Variants in LOXL2 observed in about 807,000 individuals in gnomAD.
LOXL2 encodes lysyl oxidase homolog 2.
A neutral mutation model predicts 93.0 loss-of-function variants in LOXL2; 70 were observed. The ratio of observed to expected loss-of-function variants is 0.75; its 90% CI spans 0.62 to 0.92. The LOEUF is 0.92. LOXL2 is among the 40% of genes least tolerant of loss of function. The pLI, the probability that LOXL2 is intolerant of heterozygous loss-of-function variation, is 0.00. For synonymous variants in LOXL2, 438 were observed against 413.2 expected (o/e 1.06, Z -0.73); for missense variants, 973 against 1,054.9 (o/e 0.92, Z 1.08).
chr8:23,347,168 A>AACACACACACACAC (rs60464587), intron 3 of LOXL2, among the ~76,000 whole-genome samples: 1 of 141,758 alleles, frequency 7.1e-6, no homozygotes, highest in South Asian at 2.3e-4. Context: ...AACACACACA[A>AACACACACACACAC]ACACACACAC....
intron 10 of LOXL2, among the ~76,000 whole-genome samples, chr8:23,307,954 A>G (rs5023055): frequency 0.36 from 1,410 of 3,908 alleles, 143 homozygotes; most frequent in Middle Eastern, 0.5. Context: ...CTGCGATATG[A>G]AAAAAAAAAA....
chr8:23,306,214 T>C (rs561704699), intron 10 of LOXL2, among the ~76,000 whole-genome samples: 26 of 152,206 alleles, frequency 1.7e-4, no homozygotes, highest in African/African-American at 6.3e-4. Flanking sequence ...GAGAAGCAGG[T>C]ATGTTCTTTG....
At position 23,369,429 on chromosome 8, in the gene LOXL2, G is replaced by A. The variant is rs139835332; in HGVS notation, c.-83-995C>T. Among the ~76,000 whole-genome samples the A allele has an allele frequency of 2.0e-5, 3 of 152,306 alleles. No homozygotes were observed. The East Asian group carries it at 5.8e-4, about 29-fold the overall frequency. Reference sequence around the variant, plus strand: ...CCCAAACCAGGATGAGCAGGTGGAAGCTTAGGTGGGGGCATAAGGTATTTT... The same window carrying A: ...CCCAAACCAGGATGAGCAGGTGGAAACTTAGGTGGGGGCATAAGGTATTTT... On this transcript the variant is annotated intron_variant, in intron 1 of 13. Transcript: ENST00000389131.
At chr8:23,344,678 C>CTGTG (rs58673906) in intron 3 of LOXL2, among the ~76,000 whole-genome samples, 62,461 of 151,408 alleles carry the variant, frequency 0.41, 13,978 homozygotes, top group African/African-American at 0.6. Context: ...TGCACTCTCC[C>CTGTG]TGTATGTGTC....
chr8:23,308,053 G>A (rs549403878), intron 10 of LOXL2, among the ~76,000 whole-genome samples: 3 of 151,178 alleles, frequency 2.0e-5, no homozygotes, highest in South Asian at 2.1e-4. Flanking sequence ...GGCCCGAGCC[G>A]GGATTCCTGC....
intron 1 of LOXL2, among the ~76,000 whole-genome samples, chr8:23,392,453 G>A (rs1804859519): frequency 6.6e-6 from 1 of 152,134 alleles, no homozygotes; most frequent in Non-Finnish European, 1.5e-5. Flanking sequence ...GCAGGTCCTC[G>A]CTTTTACTGA....
At chr8:23,307,952 T>TG (rs1554475673) in intron 10 of LOXL2, among the ~76,000 whole-genome samples, 31 of 2,044 alleles carry the variant, frequency 0.015, 7 homozygotes, top group Non-Finnish European at 0.03. Context: ...AGCTGCGATA[T>TG]GAAAAAAAAA....
chr8:23,346,122 T>TAAAATAA (rs1251315559), intron 3 of LOXL2, among the ~76,000 whole-genome samples: 1 of 45,780 alleles, frequency 2.2e-5, no homozygotes, highest in Admixed American at 2.2e-4. Context: ...AAAATTAAAA[T>TAAAATAA]AAAATAAAAT....
At chr8:23,368,478 C>T (rs775237134) in intron 1 of LOXL2, 44 bp from the exon 2 acceptor site, 4 of 752,436 alleles carry the variant, frequency 5.3e-6, no homozygotes, top group African/African-American at 1.7e-5. Flanking sequence ...CGTGGGGCTA[C>T]GGAGACCTAC....
intron 3 of LOXL2, among the ~76,000 whole-genome samples, chr8:23,356,916 G>A (rs1804210260): frequency 6.6e-6 from 1 of 152,152 alleles, no homozygotes; most frequent in Non-Finnish European, 1.5e-5. Flanking sequence ...TGTAAGGGCT[G>A]GAGGACAAGG....
rs780126714 is a variant in LOXL2, at chr8:23,298,050, G to A, written c.2318C>T (p.Pro773Leu). 98 of 1,613,586 alleles carry A rather than the reference G, an allele frequency of 6.1e-5. No homozygotes were observed. The highest frequency in any genetic ancestry group is 7.7e-5 in the South Asian group (7 of 91,004). ...FSGLLNNQLS[P>L]Q ...TTGACCACGCAGGCTTCTTTACTGCGGGGACAGCTGGTTGTTTAAGAGCCC... is the reference window on the plus strand; with the variant it reads ...TTGACCACGCAGGCTTCTTTACTGCAGGGACAGCTGGTTGTTTAAGAGCCC... Residue 773 changes from proline (P) to leucine (L), a missense_variant, in exon 14 of 14, where the codon CCG becomes CTG. Physicochemically the swap from Pro to Leu is moderately conservative, Grantham distance 98. Transcript: ENST00000389131.
chr8:23,318,452 CACACACACAA>C (rs752720785), intron 8 of LOXL2, among the ~76,000 whole-genome samples: 5,142 of 147,796 alleles, frequency 0.035, 286 homozygotes, highest in African/African-American at 0.13. Flanking sequence ...CACACACACA[CACACACACAA>C]AAATACACAT....
chr8:23,303,226 G>T, intron 11 of LOXL2, 56 bp downstream of exon 11: 1 of 1,066,062 alleles, frequency 9.4e-7, no homozygotes, highest in Non-Finnish European at 1.5e-6. Context: ...TGATCGTGGA[G>T]GCAGAGGCAT....
Position 23,316,144 on chromosome 8 carries a change from C to T in LOXL2, c.1636+805G>A, listed in dbSNP as rs375119608. Among the ~76,000 whole-genome samples, 15 of 152,322 alleles carry T rather than the reference C, an allele frequency of 9.8e-5. No individual in the cohort carries two copies. In the East Asian group the frequency reaches 2.3e-3, roughly 24 times the overall value. On this transcript the variant is annotated intron_variant, in intron 9 of 13. Coordinates refer to ENST00000389131, the MANE Select transcript of LOXL2 (RefSeq NM_002318.3). ...AGCTGCTGTTCAATCCCGCGTTCTC[C>T]GTGATGGCAGGATGACAGTGCATCT...
intron 8 of LOXL2, among the ~76,000 whole-genome samples, chr8:23,319,582 A>G (rs923390770): frequency 6.6e-6 from 1 of 152,156 alleles, no homozygotes; most frequent in Admixed American, 6.5e-5. Flanking sequence ...CCCCAGGATC[A>G]GTCTTGAGCC....
chr8:23,315,928 A>G (rs1803387920), intron 9 of LOXL2, among the ~76,000 whole-genome samples: 1 of 152,254 alleles, frequency 6.6e-6, no homozygotes, highest in Non-Finnish European at 1.5e-5. Context: ...AAGGCCCCCG[A>G]CAGGGAAGTG....
intron 1 of LOXL2, among the ~76,000 whole-genome samples, chr8:23,371,421 A>G (rs1465402513): frequency 6.6e-6 from 1 of 151,962 alleles, no homozygotes; most frequent in Non-Finnish European, 1.5e-5. Flanking sequence ...AAACAGGAAG[A>G]ATGTCCTGTG....
chr8:23,321,863 A>G (rs1195719926), intron 7 of LOXL2: 4 of 422,134 alleles, frequency 9.5e-6, no homozygotes, highest in East Asian at 4.1e-5. Context: ...GTGGTGGGGC[A>G]GAGGTGAGGT....
intron 9 of LOXL2, among the ~76,000 whole-genome samples, chr8:23,313,951 A>G (rs1803353324): frequency 1.3e-5 from 1 of 77,530 alleles, no homozygotes; most frequent in Non-Finnish European, 3.1e-5. Flanking sequence ...AATTTACAAG[A>G]AAAAAACAAC....
Sources: gnomAD v4.1 joint callset for allele counts (sites outside exome capture counted in the v4.1 genomes callset) on GRCh38, gnomAD v4.1.1 for gene constraint, MANE v1.5 for transcripts, NCBI Gene and HGNC (gene_info 2026-07-23, HGNC 2026-07-21) for gene names.